PSMD6: variants seen among roughly 807,000 people sequenced by gnomAD.
PSMD6 encodes proteasome 26S subunit, non-ATPase 6.
PSMD6 carries 7 observed loss-of-function variants against 44.9 expected under a neutral mutation model. That is an observed-to-expected ratio of 0.16 (90% CI 0.09 to 0.29). PSMD6 has a LOEUF of 0.29. PSMD6 is among the 10% of genes least tolerant of loss of function. The pLI, the probability that PSMD6 is intolerant of heterozygous loss-of-function variation, is 1.00. For missense variants in PSMD6, 420 were observed against 482.6 expected, an observed-to-expected ratio of 0.87 and a Z score of 1.21; for synonymous variants, 184 against 172.7, an observed-to-expected ratio of 1.07 and a Z score of -0.51.
chr3:64,023,538 C>G, upstream of PSMD6: 1 of 1,406,076 alleles, frequency 7.1e-7, no homozygotes, highest in East Asian at 2.8e-5. Context: ...CCGGTCCCGT[C>G]TCCGCCGGCA....
intron 2 of PSMD6, 40 bp downstream of exon 2, chr3:64,022,278 C>A: frequency 6.3e-7 from 1 of 1,599,686 alleles, no homozygotes; most frequent in Non-Finnish European, 8.6e-7. Flanking sequence ...CCAATTTTAG[C>A]CTATACTAAC....
intron 5 of PSMD6, 125 bp downstream of exon 5, chr3:64,018,474 C>G (rs2076081925): frequency 1.4e-6 from 1 of 697,460 alleles, no homozygotes; most frequent in Non-Finnish European, 2.4e-6. Context: ...GAATACTGAT[C>G]AAAGACATGC....
intron 5 of PSMD6, chr3:64,018,356 C>G (rs1235915108): frequency 2.9e-6 from 1 of 339,854 alleles, no homozygotes; most frequent in Non-Finnish European, 5.5e-6. Context: ...GTCACATCCT[C>G]CTTTTTTAAA....
intron 6 of PSMD6, chr3:64,012,652 C>G (rs2075978240): frequency 6.6e-6 from 1 of 152,228 alleles, no homozygotes; most frequent in African/African-American, 2.4e-5. Flanking sequence ...TCCAACTATG[C>G]TGGAGCCACC....
At chr3:64,012,331 G>A (rs1202594901) in intron 6 of PSMD6, 1 of 152,058 alleles carries the variant, frequency 6.6e-6, no homozygotes, top group Non-Finnish European at 1.5e-5. Flanking sequence ...GGGAGCCACT[G>A]ATCTAGATGC....
At chr3:64,018,367 C>A in intron 5 of PSMD6, 1 of 360,002 alleles carries the variant, frequency 2.8e-6, no homozygotes, top group Non-Finnish European at 5.1e-6. Context: ...CTTTTTTAAA[C>A]AACACTTTAA....
intron 5 of PSMD6, chr3:64,015,695 C>T (rs1370436068): frequency 6.6e-6 from 1 of 152,146 alleles, no homozygotes; most frequent in Admixed American, 6.5e-5. Flanking sequence ...GTGTTACATG[C>T]TCTTATCTCT....
chr3:64,018,813 A>T lies in PSMD6; in HGVS notation c.717+5T>A. On this transcript the variant is annotated splice_donor_5th_base_variant and intron_variant, in intron 4 of 7. Coordinates refer to ENST00000295901, the MANE Select transcript of PSMD6 (RefSeq NM_014814.3). The stretch of plus-strand genomic sequence containing the variant: ...TAAATTTGAGTATTAAAGTTTGGTC[A>T]TTACCTTTTCCCTGAGATCTGGTCT... 6.4e-7 allele frequency: 1 copy of T among 1,566,908 alleles called. No individual in the cohort carries two copies. The highest frequency in any genetic ancestry group is 8.8e-7 in the Non-Finnish European group (1 of 1,138,442).
chr3:64,018,490 C>T, intron 5 of PSMD6, 109 bp downstream of exon 5: 2 of 778,022 alleles, frequency 2.6e-6, no homozygotes, highest in Non-Finnish European at 4.2e-6. Flanking sequence ...CATGCAGCTA[C>T]CTACACACTA....
At chr3:64,023,812 T>G, upstream of PSMD6, 1 of 1,480,332 alleles carries the variant, frequency 6.8e-7, no homozygotes. Flanking sequence ...CACCATAGTT[T>G]GTCGAGTCGT....
chr3:64,010,821 A>G (rs2075925819), intron 7 of PSMD6, 57 bp from the exon 8 acceptor site: 5 of 1,575,402 alleles, frequency 3.2e-6, no homozygotes, highest in Non-Finnish European at 4.4e-6. Flanking sequence ...TTCCATGACA[A>G]TAGTTGACCT....
At chr3:64,023,638 G>GC, upstream of PSMD6, 1 of 1,425,140 alleles carries the variant, frequency 7.0e-7, no homozygotes, top group Admixed American at 2.9e-5. Flanking sequence ...CACCCTCAAG[G>GC]CCCCCTGCGG....
upstream of PSMD6, chr3:64,023,575 A>G: frequency 7.1e-7 from 1 of 1,413,746 alleles, no homozygotes; most frequent in Non-Finnish European, 9.2e-7. Context: ...ACCTCCGGGA[A>G]CGCCTCACCC....
chr3:64,020,431 C>T (rs1194587542), intron 2 of PSMD6, among the ~76,000 whole-genome samples: 1 of 152,112 alleles, frequency 6.6e-6, no homozygotes, highest in East Asian at 1.9e-4. Flanking sequence ...CTTCCTGATA[C>T]TGATTCAAGC....
chr3:64,018,409 A>T, intron 5 of PSMD6, 190 bp downstream of exon 5: 1 of 496,840 alleles, frequency 2.0e-6, no homozygotes, highest in Non-Finnish European at 3.6e-6. Context: ...CTCCTGGGCC[A>T]TACAGCAGGC....
chr3:64,023,617 G>A (rs561963464), upstream of PSMD6: 3 of 1,415,580 alleles, frequency 2.1e-6, no homozygotes, highest in South Asian at 1.6e-5. Flanking sequence ...GTGTGGTCAC[G>A]GGGGCTTTTC....
At chr3:64,015,602 A>G (rs1194192190) in intron 5 of PSMD6, 2 of 152,248 alleles carry the variant, frequency 1.3e-5, no homozygotes, top group Admixed American at 6.5e-5. Context: ...GTATAGTGAC[A>G]TGAAAAGATA....
At chr3:64,020,360 G>C (rs1199391542) in intron 2 of PSMD6, among the ~76,000 whole-genome samples, 1 of 152,116 alleles carries the variant, frequency 6.6e-6, no homozygotes, top group African/African-American at 2.4e-5. Context: ...GGGAAAAGTT[G>C]TTCGTTTTGG....
At chr3:64,011,529 C>CAACCCAGATTTGAAATTCTTAGGTATCA (rs2075950811) in intron 6 of PSMD6, 1 of 150,170 alleles carries the variant, frequency 6.7e-6, no homozygotes, top group Admixed American at 6.6e-5. Flanking sequence ...GAATCCATGA[C>CAACCCAGATTTGAAATTCTTAGGTATCA]AACCCAGATT....
Sources: gnomAD v4.1 joint callset for allele counts (sites outside exome capture counted in the v4.1 genomes callset) on GRCh38, gnomAD v4.1.1 for gene constraint, MANE v1.5 for transcripts, NCBI Gene and HGNC (gene_info 2026-07-23, HGNC 2026-07-21) for gene names.